Variants in NIPSNAP1 observed in about 807,000 individuals in gnomAD.
NIPSNAP1 encodes protein NipSnap homolog 1.
A neutral mutation model predicts 49.2 loss-of-function variants in NIPSNAP1; 25 were observed. The ratio of observed to expected loss-of-function variants is 0.51; its 90% CI spans 0.37 to 0.71. The LOEUF (loss-of-function observed/expected upper bound fraction) is 0.71. Ranked by LOEUF, NIPSNAP1 falls within the 30% of genes least tolerant of loss-of-function variation. The pLI is 0.00. For missense variants in NIPSNAP1, 294 were observed against 361.0 expected (o/e 0.81, Z 1.50); for synonymous variants, 143 against 140.7 (o/e 1.02, Z -0.12).
At chr22:29,569,969 A>T in intron 3 of NIPSNAP1, 193 bp downstream of exon 3, 2 of 614,478 alleles carry the variant, frequency 3.3e-6, no homozygotes, top group Non-Finnish European at 5.8e-6. Context: ...AGCCTGGGCA[A>T]CGAGAGCAAA....
At chr22:29,565,068 G>A (rs2064360151) in intron 4 of NIPSNAP1, among the ~76,000 whole-genome samples, 1 of 151,988 alleles carries the variant, frequency 6.6e-6, no homozygotes, top group Admixed American at 6.6e-5. Context: ...CCCAGGCATG[G>A]TGGTGCATGT....
At chr22:29,576,386 C>CAA (rs67889640) in intron 1 of NIPSNAP1, among the ~76,000 whole-genome samples, 10 of 148,828 alleles carry the variant, frequency 6.7e-5, no homozygotes, top group East Asian at 2.0e-4. Flanking sequence ...AAATTAAAAA[C>CAA]AAAAAAAAAC....
intron 1 of NIPSNAP1, among the ~76,000 whole-genome samples, chr22:29,578,551 GGCT>G (rs1258912329): frequency 6.6e-6 from 1 of 151,228 alleles, no homozygotes; most frequent in Non-Finnish European, 1.5e-5. Flanking sequence ...AGGCCAGAAG[GGCT>G]GCTGCTGGCC....
Position 29,555,925 on chromosome 22 carries a change from G to GA in NIPSNAP1, c.*9_*10insT. ...GGGAGAAGGGGAAGGAGGTGGAGGT[G>GA]TAGGCAGCATCACTGCAGAGGCGAG... On this transcript the variant is annotated 3_prime_UTR_variant, in exon 10 of 10. Coordinates refer to ENST00000216121, the MANE Select transcript of NIPSNAP1 (RefSeq NM_003634.4). 6.4e-7 allele frequency: 1 copy of GA among 1,551,020 alleles called. No individual in the cohort carries two copies. Among genetic ancestry groups the GA allele is most frequent in the African/African-American group, 1.4e-5 (1 of 72,946 alleles).
chr22:29,563,121 T>C (rs2064347394), intron 4 of NIPSNAP1, among the ~76,000 whole-genome samples: 1 of 147,534 alleles, frequency 6.8e-6, no homozygotes, highest in African/African-American at 2.5e-5. Context: ...AAAAAATTAG[T>C]TGGGTGTGGT....
In NIPSNAP1 at chr22:29,558,903, TC is replaced by T; in HGVS notation, c.756del (p.Lys253ArgfsTer23). ...TAGACATTTTCATCCCAGCCTCTCT[TC>T]CTCCAGGCAGCGTTTCGAGTCTCCT... ...SREETRNAAWRKRGWDENVYY... is the reference protein window; with the variant it reads ...SREETRNAAWXKRGWDENVYY... On this transcript the variant is annotated frameshift_variant, in exon 9 of 10. Transcript: ENST00000216121. LOFTEE classifies it high-confidence loss of function. The T allele has an allele frequency of 6.2e-6, 10 of 1,613,972 alleles. No homozygotes were observed. The highest frequency in any genetic ancestry group is 8.5e-6 in the Non-Finnish European group (10 of 1,179,928).
rs552703283 is a variant in NIPSNAP1, at chr22:29,579,547, G to A, written c.98+1438C>T. The stretch of plus-strand genomic sequence containing the variant: ...TCCTGACCTCGTGATCCACCGCCTC[G>A]GCCTCCCAAAGTGCTGGGATTACAG... On this transcript the variant is annotated intron_variant, in intron 1 of 9. Coordinates refer to ENST00000216121, the MANE Select transcript of NIPSNAP1 (RefSeq NM_003634.4). Among the ~76,000 whole-genome samples, 9 of 151,502 alleles carry A rather than the reference G, an allele frequency of 5.9e-5. No homozygotes were observed. In the East Asian group the frequency reaches 1.4e-3, roughly 23 times the overall value.
At chr22:29,577,482 C>T (rs1186440984) in intron 1 of NIPSNAP1, among the ~76,000 whole-genome samples, 1 of 150,698 alleles carries the variant, frequency 6.6e-6, no homozygotes, top group Non-Finnish European at 1.5e-5. Flanking sequence ...TGCAATGGTA[C>T]GATCTCAGCT....
chr22:29,569,805 A>G (rs1341550424), intron 3 of NIPSNAP1: 3 of 367,450 alleles, frequency 8.2e-6, no homozygotes, highest in South Asian at 4.5e-5. Context: ...CCGGACTAAC[A>G]TGGTGAAACC....
intron 9 of NIPSNAP1, among the ~76,000 whole-genome samples, chr22:29,557,580 A>C (rs2064304854): frequency 6.6e-6 from 1 of 152,094 alleles, no homozygotes; most frequent in Non-Finnish European, 1.5e-5. Context: ...GATGGGAAAC[A>C]CCACGTCCTG....
chr22:29,575,948 AG>A (rs2064448782), intron 1 of NIPSNAP1, among the ~76,000 whole-genome samples: 1 of 151,426 alleles, frequency 6.6e-6, no homozygotes, highest in African/African-American at 2.4e-5. Context: ...TCTTGACCTC[AG>A]GTGATCCTCC....
At position 29,560,753 on chromosome 22, in the gene NIPSNAP1, G is replaced by A. The variant is rs146727787; in HGVS notation, c.687C>T (p.Tyr229=). 6.7e-4 allele frequency: 1,077 copies of A among 1,614,042 alleles called. 5 individuals carry two copies. In the African/African-American group the frequency reaches 0.012, roughly 17 times the overall value. Reference sequence around the variant, plus strand: ...ACCTACCCCAGAGATGGTGCACCACGTAGAGCTCTCCTATCTGTGAGAAGA... The same window carrying A: ...ACCTACCCCAGAGATGGTGCACCACATAGAGCTCTCCTATCTGTGAGAAGA... ...GGFFSQIGEL[Y]VVHHLWAYKD... is the part of the protein sequence containing the mutation. The change falls in exon 8 of 10, where the codon TAC becomes TAT. Residue 229 remains tyrosine (Y), a synonymous_variant. Transcript: ENST00000216121.
intron 8 of NIPSNAP1, among the ~76,000 whole-genome samples, chr22:29,560,166 T>C (rs1467452832): frequency 6.6e-6 from 1 of 151,896 alleles, no homozygotes; most frequent in Non-Finnish European, 1.5e-5. Flanking sequence ...TACATTTTAC[T>C]TCCTCAGAGA....
intron 3 of NIPSNAP1, chr22:29,569,840 T>C: frequency 2.5e-6 from 1 of 395,018 alleles, no homozygotes; most frequent in South Asian, 2.2e-5. Flanking sequence ...TACAAAAAAA[T>C]TAGCCATGCT....
intron 6 of NIPSNAP1, 139 bp downstream of exon 6, chr22:29,561,367 A>T: frequency 7.0e-7 from 1 of 1,434,060 alleles, no homozygotes; most frequent in South Asian, 1.1e-5. Flanking sequence ...GCATGTTTGC[A>T]CACATGTGTA....
At chr22:29,562,852 C>T (rs762997764) in intron 4 of NIPSNAP1, among the ~76,000 whole-genome samples, 2 of 152,134 alleles carry the variant, frequency 1.3e-5, no homozygotes, top group Non-Finnish European at 2.9e-5. Flanking sequence ...GTAATCCCAG[C>T]ACTTTGGGAG....
chr22:29,558,549 C>T (rs570804846), intron 9 of NIPSNAP1, among the ~76,000 whole-genome samples: 1 of 152,218 alleles, frequency 6.6e-6, no homozygotes, highest in Non-Finnish European at 1.5e-5. Flanking sequence ...GACAGAAGCA[C>T]TATCACCATC....
intron 1 of NIPSNAP1, among the ~76,000 whole-genome samples, chr22:29,573,914 G>A (rs964336155): frequency 6.6e-6 from 1 of 151,644 alleles, no homozygotes; most frequent in Non-Finnish European, 1.5e-5. Context: ...ACTCCAGCCT[G>A]GGCAACAGAG....
chr22:29,565,294 C>G (rs530229646), intron 4 of NIPSNAP1, among the ~76,000 whole-genome samples: 1 of 152,068 alleles, frequency 6.6e-6, no homozygotes, highest in East Asian at 1.9e-4. Context: ...GGTGGATCAA[C>G]TGTGGTCAGG....
Sources: allele counts gnomAD v4.1 joint callset (sites outside exome capture counted in the v4.1 genomes callset), GRCh38; gene constraint gnomAD v4.1.1; transcripts MANE v1.5; gene names NCBI Gene and HGNC (gene_info 2026-07-23, HGNC 2026-07-21).